Variants in LEMD2 observed in about 807,000 individuals in gnomAD.
The protein encoded by LEMD2 is LEM domain nuclear envelope protein 2.
Under a neutral mutation model 58.8 loss-of-function variants are expected in LEMD2, and 34 were observed. The observed-to-expected ratio is 0.58, with a 90% CI of 0.44 to 0.77. LEMD2 has a LOEUF of 0.77. Among genes scored for constraint, LEMD2 ranks in the 30% least tolerant of loss-of-function variants. The pLI is 0.00. For synonymous variants in LEMD2, 298 were observed against 308.9 expected, an observed-to-expected ratio of 0.96 and a Z score of 0.37; for missense variants, 629 against 717.9, an observed-to-expected ratio of 0.88 and a Z score of 1.42.
intron 1 of LEMD2, 126 bp from the exon 2 acceptor site, chr6:33,786,900 T>C: frequency 1.3e-6 from 2 of 1,498,864 alleles, no homozygotes; most frequent in Non-Finnish European, 1.8e-6. Flanking sequence ...ATTAGAAAGA[T>C]GTCATCTAAG....
Position 33,772,534 on chromosome 6 carries a change from G to A in LEMD2, c.*94C>T. The A allele has an allele frequency of 8.4e-7, 1 of 1,191,694 alleles. No individual in the cohort carries two copies. The highest frequency in any genetic ancestry group is 1.2e-6 in the Non-Finnish European group (1 of 835,258). The allele number at this position is 1,191,694 out of a possible 1,614,324, so 73.8% of individuals were successfully genotyped here. A position where few individuals can be genotyped will look rare whatever the true frequency, so the allele number is the denominator to read the frequency against. On this transcript the variant is annotated 3_prime_UTR_variant, in exon 9 of 9. Coordinates refer to ENST00000293760, the MANE Select transcript of LEMD2 (RefSeq NM_181336.4). ...GACGAGACTGAAAGTCAAGGCAAGT[G>A]TGAATTCAGCACCGCAGGCCTGGTG...
At chr6:33,783,460 C>A (rs970935159) in intron 3 of LEMD2, among the ~76,000 whole-genome samples, 1 of 152,180 alleles carries the variant, frequency 6.6e-6, no homozygotes, top group Non-Finnish European at 1.5e-5. Flanking sequence ...TAAGACCTGT[C>A]CTCTGACCCC....
intron 8 of LEMD2, among the ~76,000 whole-genome samples, chr6:33,773,597 G>GA (rs34234417): frequency 6.6e-6 from 1 of 151,378 alleles, no homozygotes; most frequent in Admixed American, 6.6e-5. Flanking sequence ...CAGGAGGCGG[G>GA]GGGGGGGCTA....
chr6:33,782,633 C>A (rs906175446), intron 3 of LEMD2, among the ~76,000 whole-genome samples: 10 of 152,268 alleles, frequency 6.6e-5, no homozygotes, highest in Non-Finnish European at 1.0e-4. Flanking sequence ...TTGTGCCTCC[C>A]AGAACTTCTG....
chr6:33,781,467 G>A lies in LEMD2; in HGVS notation c.854-314C>T, dbSNP rs187488349. On this transcript the variant is annotated intron_variant, in intron 3 of 8. Transcript: ENST00000293760. ...CAGACAGATAGCTTCGGAAGGTACC[G>A]GAATGGCACTATAAATAAACACAGC... 2.0e-4 allele frequency: 59 copies of A among 298,248 alleles called. No individual in the cohort carries two copies. The Middle Eastern group carries it at 3.8e-3, about 19-fold the overall frequency. The allele number at this position is 298,248 out of a possible 1,614,324, so 18.5% of individuals were successfully genotyped here.
chr6:33,784,476 G>GGGGA, intron 2 of LEMD2, 49 bp from the exon 3 acceptor site: 2 of 410,650 alleles, frequency 4.9e-6, no homozygotes, highest in South Asian at 1.7e-5. Context: ...GGGTGGGAGG[G>GGGGA]GTCCGTCTGT....
At position 33,778,539 on chromosome 6, in the gene LEMD2, C is replaced by A; in HGVS notation, c.1011-152G>T. The A allele has an allele frequency of 3.9e-6, 2 of 512,846 alleles. No homozygotes were observed. Among genetic ancestry groups the A allele is most frequent in the Non-Finnish European group, 6.4e-6 (2 of 310,516 alleles). 31.8% of individuals were successfully genotyped at this position (512,846 alleles called of 1,614,324 possible). ...GCTTGGTATCCTGGCTGCATTCTTT[C>A]CAGAAATTTCCCACATTGGCTACTT... On this transcript the variant is annotated intron_variant, in intron 5 of 8. Transcript: ENST00000293760. The surrounding 1 kb of genome is among the most constrained non-coding windows in gnomAD (Gnocchi z 4.7).
At chr6:33,785,958 G>A (rs1045249966) in intron 2 of LEMD2, among the ~76,000 whole-genome samples, 7 of 152,244 alleles carry the variant, frequency 4.6e-5, no homozygotes, top group Admixed American at 1.3e-4. Flanking sequence ...GGGCTGGCCA[G>A]AGGACCATGC....
At chr6:33,788,098 T>G (rs1415628207) in intron 1 of LEMD2, among the ~76,000 whole-genome samples, 1 of 152,114 alleles carries the variant, frequency 6.6e-6, no homozygotes, top group Non-Finnish European at 1.5e-5. Context: ...AACCAGAGGT[T>G]GGAGGAGCAG....
rs192166256 is a variant in LEMD2, at chr6:33,783,019, T to C, written c.853+1333A>G. ...TCTACTAGGACCCAATTTCGAGCAG[T>C]GCTTCTCAACTTTAGGGTGCACTCA... On this transcript the variant is annotated intron_variant, in intron 3 of 8. Transcript: ENST00000293760. 1.7e-3 allele frequency among the ~76,000 whole-genome samples: 257 copies of C among 152,354 alleles called. 2 individuals carry two copies. Among genetic ancestry groups the C allele is most frequent in the Admixed American group, 4.0e-3 (62 of 15,312 alleles).
chr6:33,784,985 TAAAGGA>T (rs1767643979), intron 2 of LEMD2, among the ~76,000 whole-genome samples: 1 of 152,052 alleles, frequency 6.6e-6, no homozygotes, highest in Middle Eastern at 3.2e-3. Context: ...TGCTACCACC[TAAAGGA>T]AACAGGAGGA....
chr6:33,779,986 C>A lies in LEMD2; in HGVS notation c.1010+114G>T. On this transcript the variant is annotated intron_variant, in intron 5 of 8. Coordinates refer to ENST00000293760, the MANE Select transcript of LEMD2 (RefSeq NM_181336.4). ...TAACCCACATGATTCTGCTGGGAGA[C>A]CCAGCCTCCAGCTTCAGACCTGAGA... The A allele has an allele frequency of 4.5e-6, 4 of 880,976 alleles. 1 individual carries two copies. The South Asian group carries it at 6.4e-5, about 14-fold the overall frequency. 54.6% of individuals were successfully genotyped at this position (880,976 alleles called of 1,614,324 possible).
intron 1 of LEMD2, 42 bp from the exon 2 acceptor site, chr6:33,786,816 T>C (rs1582263871): frequency 6.2e-7 from 1 of 1,610,240 alleles, no homozygotes; most frequent in Non-Finnish European, 8.5e-7. Context: ...TAAGTGTGGG[T>C]TGAGAAAGGA....
In LEMD2 at chr6:33,778,046, C is replaced by T. The variant is rs1767477092; in HGVS notation, c.1156+196G>A. ...CATTTTCTAGTTATCCTCACGGATTCCTGCCACCAATCTCCAAAGGTAAAT... is the reference window on the plus strand; with the variant it reads ...CATTTTCTAGTTATCCTCACGGATTTCTGCCACCAATCTCCAAAGGTAAAT... On this transcript the variant is annotated intron_variant, in intron 6 of 8. Coordinates refer to ENST00000293760, the MANE Select transcript of LEMD2 (RefSeq NM_181336.4). The surrounding 1 kb of genome is among the most constrained non-coding windows in gnomAD (Gnocchi z 4.7). Among the ~76,000 whole-genome samples the T allele has an allele frequency of 6.6e-6, 1 of 152,242 alleles. No homozygotes were observed. The highest frequency in any genetic ancestry group is 2.1e-4 in the South Asian group (1 of 4,830).
Position 33,788,618 on chromosome 6 carries a change from G to C in LEMD2, c.499C>G (p.Pro167Ala). 7.8e-7 allele frequency: 1 copy of C among 1,275,476 alleles called. No individual in the cohort carries two copies. The highest frequency in any genetic ancestry group is 9.8e-7 in the Non-Finnish European group (1 of 1,015,410). The allele number at this position is 1,275,476 out of a possible 1,614,324, so 79.0% of individuals were successfully genotyped here. A position where few individuals can be genotyped will look rare whatever the true frequency, so the allele number is the denominator to read the frequency against. Residue 167 changes from proline (P) to alanine (A), a missense_variant, in exon 1 of 9, where the codon CCC becomes GCC. Physicochemically the swap from Pro to Ala is conservative, Grantham distance 27. Around this residue, in one of 2 missense-constraint regions of LEMD2, gnomAD observed 386 missense variants for 381.1 expected, o/e 1.01. Coordinates refer to ENST00000293760, the MANE Select transcript of LEMD2 (RefSeq NM_181336.4). ...GAGGAAGGCAGCCGCGCCGGGGCGG[G>C]AGACGCTGCCCACCAGCGGCGGGCC... ...LAARRWWAAS[P>A]APARLPSSLL...
chr6:33,789,055 C>A lies in LEMD2; in HGVS notation c.62G>T (p.Gly21Val). 1.9e-6 allele frequency: 3 copies of A among 1,554,184 alleles called. No individual in the cohort carries two copies. Among genetic ancestry groups the A allele is most frequent in the Non-Finnish European group, 2.6e-6 (3 of 1,158,122 alleles). The change falls in exon 1 of 9, where the codon GGA becomes GTA. Residue 21 changes from glycine to valine, a missense_variant. Around this residue, in one of 2 missense-constraint regions of LEMD2, gnomAD observed 386 missense variants for 381.1 expected, o/e 1.01. Coordinates refer to ENST00000293760, the MANE Select transcript of LEMD2 (RefSeq NM_181336.4). The stretch of plus-strand genomic sequence containing the variant: ...ATCCCGGGTGGTGTCGGTGATGGGT[C>A]CTGGCTGGAAGCCCAGGGCCTGCAG... Reference protein sequence around the residue: ...RELQALGFQPGPITDTTRDVY... With the variant: ...RELQALGFQPVPITDTTRDVY...
At chr6:33,788,314 G>A in intron 1 of LEMD2, 67 bp downstream of exon 1, 2 of 1,461,294 alleles carry the variant, frequency 1.4e-6, no homozygotes, top group South Asian at 2.5e-5. Context: ...GCGCCGACAG[G>A]AACGGGGGGT....
chr6:33,788,996 C>G lies in LEMD2; in HGVS notation c.121G>C (p.Glu41Gln). The G allele has an allele frequency of 6.5e-7, 1 of 1,549,790 alleles. No homozygotes were observed. Among genetic ancestry groups the G allele is most frequent in the Non-Finnish European group, 8.7e-7 (1 of 1,155,522 alleles). Residue 41 changes from glutamate (E) to glutamine (Q), a missense_variant, in exon 1 of 9, where the codon GAG becomes CAG. Transcript: ENST00000293760. The part of the protein sequence containing the change: ...YRNKLRRLRG[E>Q]ARLRDEERLR... ...CGCTCCTCGTCGCGCAGCCGGGCCT[C>G]GCCCCGCAGGCGGCGCAGCTTGTTG...
In LEMD2 at chr6:33,771,650, G is replaced by GCGC. The variant is rs1201309897; in HGVS notation, c.*975_*977dup. 2.0e-5 allele frequency: 3 copies of GCGC among 152,188 alleles called. No homozygotes were observed. Among genetic ancestry groups the GCGC allele is most frequent in the Non-Finnish European group, 2.9e-5 (2 of 68,046 alleles). 9.4% of individuals were successfully genotyped at this position (152,188 alleles called of 1,614,324 possible). Reference sequence around the variant, plus strand: ...CTGGCGGGAGGGCCGGTGGGCGGCGGCGCGGACGCTGCTCCCTTGTGGCCG... The same window carrying GCGC: ...CTGGCGGGAGGGCCGGTGGGCGGCGGCGCCGCGGACGCTGCTCCCTTGTGGCCG... On this transcript the variant is annotated 3_prime_UTR_variant, in exon 9 of 9. Transcript: ENST00000293760.
Sources: allele counts gnomAD v4.1 joint callset (sites outside exome capture counted in the v4.1 genomes callset), GRCh38; gene constraint gnomAD v4.1.1; regional missense constraint gnomAD v4.1.1; non-coding constraint Gnocchi (gnomAD v3.1); transcripts MANE v1.5; gene names NCBI Gene and HGNC (gene_info 2026-07-23, HGNC 2026-07-21).